SNX29: variants seen among roughly 807,000 people sequenced by gnomAD.
SNX29 encodes the protein sorting nexin-29.
In SNX29, 78 loss-of-function variants were observed where a neutral mutation model predicts 102.1. That is an observed-to-expected ratio of 0.76 (90% CI 0.64 to 0.92). The LOEUF is 0.92. Among genes scored for constraint, SNX29 ranks in the 40% least tolerant of loss-of-function variants. The pLI, the probability that SNX29 is intolerant of heterozygous loss-of-function variation, is 0.00. For missense variants in SNX29, 1,280 were observed against 1,061.7 expected (o/e 1.21, Z -2.86); for synonymous variants, 580 against 414.5 (o/e 1.40, Z -4.85).
At chr16:12,235,938 G>C (rs754067379) in intron 14 of SNX29, among the ~76,000 whole-genome samples, 34 of 152,096 alleles carry the variant, frequency 2.2e-4, no homozygotes, top group Admixed American at 1.8e-3. Flanking sequence ...TAGCAACTTA[G>C]GGATTACTGG....
chr16:12,363,585 C>T (rs1306583263), intron 16 of SNX29, among the ~76,000 whole-genome samples: 1 of 152,210 alleles, frequency 6.6e-6, no homozygotes, highest in Non-Finnish European at 1.5e-5. Context: ...CCATTTCCGA[C>T]TCCGATCCCC....
At chr16:12,482,204 A>G (rs901055516) in intron 19 of SNX29, among the ~76,000 whole-genome samples, 40 of 152,268 alleles carry the variant, frequency 2.6e-4, no homozygotes, top group African/African-American at 9.1e-4. Flanking sequence ...GTCCGCCTGG[A>G]CCATTGTGGC....
chr16:12,233,301 G>A (rs1446288673), intron 14 of SNX29, among the ~76,000 whole-genome samples: 1 of 152,186 alleles, frequency 6.6e-6, no homozygotes, highest in Non-Finnish European at 1.5e-5. Context: ...TATGAATGCA[G>A]CTGGAGGCTG....
Position 12,571,119 on chromosome 16 carries a change from G to A in SNX29, c.*2490G>A, listed in dbSNP as rs562529792. The A allele has an allele frequency of 1.8e-4, 42 of 232,608 alleles. No homozygotes were observed. Among genetic ancestry groups the A allele is most frequent in the African/African-American group, 8.8e-4 (40 of 45,422 alleles). The allele number at this position is 232,608 out of a possible 1,614,324, so 14.4% of individuals were successfully genotyped here. ...CCTTCCCTTTGGAATCCCATAGAAT[G>A]TTCTGCAATGATTGGGTCCATCTTG... On this transcript the variant is annotated 3_prime_UTR_variant, in exon 21 of 21. Transcript: ENST00000566228.
At chr16:12,335,302 A>G (rs1234866490) in intron 15 of SNX29, among the ~76,000 whole-genome samples, 3 of 152,090 alleles carry the variant, frequency 2.0e-5, no homozygotes, top group African/African-American at 4.8e-5. Flanking sequence ...CTTGAAGTGA[A>G]ACTCTTGCTG....
rs796161196 is a variant in SNX29 at position 12,544,038 on chromosome 16, A to AC, written c.2318+19198dup. Among the ~76,000 whole-genome samples, 40 of 152,334 alleles carry AC rather than the reference A, an allele frequency of 2.6e-4. 1 individual carries two copies. The highest frequency in any genetic ancestry group is 9.6e-4 in the African/African-American group (40 of 41,570). On this transcript the variant is annotated intron_variant, in intron 20 of 20. Transcript: ENST00000566228. ...GGACTCTAGACCCCGTTGACTCATCACATTGCAAAGCCACAGGAATCACAT... is the reference window on the plus strand; with the variant it reads ...GGACTCTAGACCCCGTTGACTCATCACCATTGCAAAGCCACAGGAATCACAT...
At chr16:12,115,316 C>T (rs1386531046) in intron 11 of SNX29, among the ~76,000 whole-genome samples, 2 of 152,166 alleles carry the variant, frequency 1.3e-5, no homozygotes, top group Admixed American at 6.5e-5. Context: ...GTTTCTCAGT[C>T]TCCCTAGGGT....
chr16:12,316,962 G>A (rs1179001679), intron 15 of SNX29, among the ~76,000 whole-genome samples: 1 of 152,234 alleles, frequency 6.6e-6, no homozygotes, highest in Non-Finnish European at 1.5e-5. Context: ...GGTGGCTAGG[G>A]CAGGAGCCCA....
At chr16:12,528,872 G>C (rs1051607266) in intron 20 of SNX29, among the ~76,000 whole-genome samples, 5 of 152,258 alleles carry the variant, frequency 3.3e-5, no homozygotes, top group African/African-American at 9.6e-5. Flanking sequence ...AACTGAGAAG[G>C]TGGGCAGGAA....
chr16:11,999,926 G>A (rs562210311), intron 2 of SNX29, among the ~76,000 whole-genome samples: 1 of 151,820 alleles, frequency 6.6e-6, no homozygotes, highest in East Asian at 1.9e-4. Flanking sequence ...AGTCATTGAT[G>A]TGGGTTTCAA....
At chr16:12,542,844 C>T (rs976993322) in intron 20 of SNX29, among the ~76,000 whole-genome samples, 16 of 151,800 alleles carry the variant, frequency 1.1e-4, no homozygotes, top group African/African-American at 3.6e-4. Flanking sequence ...GACCCATGAG[C>T]AGTACTCAGA....
At chr16:12,319,847 C>T (rs755449635) in intron 15 of SNX29, among the ~76,000 whole-genome samples, 4 of 152,142 alleles carry the variant, frequency 2.6e-5, no homozygotes, top group Non-Finnish European at 2.9e-5. Flanking sequence ...GATGCACACC[C>T]TTTCTCTTGG....
At chr16:12,153,372 C>T (rs1357564088) in intron 13 of SNX29, among the ~76,000 whole-genome samples, 1 of 152,112 alleles carries the variant, frequency 6.6e-6, no homozygotes, top group African/African-American at 2.4e-5. Context: ...CTCTGGATCT[C>T]TTGGCCGGTC....
At chr16:12,379,366 C>T (rs962164779) in intron 16 of SNX29, among the ~76,000 whole-genome samples, 5 of 152,190 alleles carry the variant, frequency 3.3e-5, no homozygotes, top group South Asian at 2.1e-4. Context: ...AAGCGATCTA[C>T]CTGCCTTGGC....
rs140020147 is a variant in SNX29, at chr16:12,569,918, G to C, written c.*1289G>C. 52 of 232,462 alleles carry C rather than the reference G, an allele frequency of 2.2e-4. No individual in the cohort carries two copies. The highest frequency in any genetic ancestry group is 1.1e-3 in the African/African-American group (49 of 45,382). The allele number at this position is 232,462 out of a possible 1,614,324, so 14.4% of individuals were successfully genotyped here. A position where few individuals can be genotyped will look rare whatever the true frequency, so the allele number is the denominator to read the frequency against. On this transcript the variant is annotated 3_prime_UTR_variant, in exon 21 of 21. Coordinates refer to ENST00000566228, the MANE Select transcript of SNX29 (RefSeq NM_032167.5). ...CTTAATCTGAGGCAGAGACACAGCA[G>C]AACCTGAGGAGAAAAGCAGGTGGAA...
intron 18 of SNX29, among the ~76,000 whole-genome samples, chr16:12,464,503 G>T (rs1305211158): frequency 1.3e-5 from 2 of 152,006 alleles, no homozygotes; most frequent in African/African-American, 4.8e-5. Flanking sequence ...ACCCAGGCTG[G>T]AGTGCAGTGA....
intron 14 of SNX29, among the ~76,000 whole-genome samples, chr16:12,204,928 C>A (rs1326609974): frequency 3.3e-5 from 5 of 150,772 alleles, no homozygotes; most frequent in African/African-American, 7.3e-5. Flanking sequence ...CAGTGATTCC[C>A]AGCTCCACAC....
intron 19 of SNX29, among the ~76,000 whole-genome samples, chr16:12,512,468 C>T (rs1469104804): frequency 7.1e-6 from 1 of 141,636 alleles, no homozygotes; most frequent in Non-Finnish European, 1.5e-5. Flanking sequence ...GGCTGGAGTG[C>T]AGTGGTGCGA....
chr16:12,275,119 G>A (rs2079204889), intron 14 of SNX29, among the ~76,000 whole-genome samples: 1 of 152,206 alleles, frequency 6.6e-6, no homozygotes, highest in South Asian at 2.1e-4. Flanking sequence ...GTTAGAAATT[G>A]ATCCAAAGCT....
Sources: allele counts gnomAD v4.1 joint callset (sites outside exome capture counted in the v4.1 genomes callset), GRCh38; gene constraint gnomAD v4.1.1; transcripts MANE v1.5; gene names NCBI Gene and HGNC (gene_info 2026-07-23, HGNC 2026-07-21).